BRAF: variants seen among roughly 807,000 people sequenced by gnomAD.
The protein encoded by BRAF is B-Raf proto-oncogene, serine/threonine kinase, also known as serine/threonine-protein kinase B-raf.
In BRAF, 16 loss-of-function variants were observed where a neutral mutation model predicts 104.6. The observed-to-expected ratio is 0.15, with a 90% CI of 0.10 to 0.23. The LOEUF is 0.23. Ranked by LOEUF, BRAF falls within the 10% of genes least tolerant of loss-of-function variation. The pLI, the probability that BRAF is intolerant of heterozygous loss-of-function variation, is 1.00. For synonymous variants in BRAF, 310 were observed against 341.6 expected (o/e 0.91, Z 1.02); for missense variants, 541 against 937.3 (o/e 0.58, Z 5.52).
chr7:140,808,735 T>G, intron 4 of BRAF, 157 bp downstream of exon 4: 1 of 667,718 alleles, frequency 1.5e-6, no homozygotes, highest in South Asian at 1.6e-5. Context: ...TCATATGGCC[T>G]ACAGTATTTC....
Position 140,722,886 on chromosome 7 carries a change from C to T in BRAF, c.*3608G>A, listed in dbSNP as rs530421564. On this transcript the variant is annotated 3_prime_UTR_variant, in exon 20 of 20. Coordinates refer to ENST00000644969, the MANE Select transcript of BRAF (RefSeq NM_001374258.1). ...CCGGTTCTGGCACCACTTTCAACAA[C>T]ATTCAGATATTCCGAGCAACACATT... is the stretch of plus-strand genomic sequence containing the variant. 2 of 1,055,380 alleles carry T rather than the reference C, an allele frequency of 1.9e-6. No individual in the cohort carries two copies. The highest frequency in any genetic ancestry group is 1.6e-5 in the African/African-American group (1 of 60,660). 65.4% of individuals were successfully genotyped at this position (1,055,380 alleles called of 1,614,324 possible). A position where few individuals can be genotyped will look rare whatever the true frequency, so the allele number is the denominator to read the frequency against.
intron 1 of BRAF, among the ~76,000 whole-genome samples, chr7:140,899,588 T>C (rs557541336): frequency 1.3e-5 from 2 of 152,224 alleles, no homozygotes; most frequent in Admixed American, 1.3e-4. Flanking sequence ...ATTTCCCTAA[T>C]TGTTAACTAG....
At chr7:140,901,991 G>A (rs1042605923) in intron 1 of BRAF, among the ~76,000 whole-genome samples, 27 of 152,218 alleles carry the variant, frequency 1.8e-4, no homozygotes, top group African/African-American at 6.3e-4. Flanking sequence ...TTAAAGGAAT[G>A]AGTAAATTTA....
intron 14 of BRAF, among the ~76,000 whole-genome samples, chr7:140,759,546 C>T (rs1348494306): frequency 1.3e-5 from 2 of 152,206 alleles, no homozygotes; most frequent in East Asian, 3.9e-4. Context: ...ACCACCACGT[C>T]CAGCTAATTT....
chr7:140,761,597 C>T (rs60498630), intron 14 of BRAF, among the ~76,000 whole-genome samples: 45,275 of 151,868 alleles, frequency 0.3, 10,780 homozygotes, highest in African/African-American at 0.66. Context: ...GACTGGCAAA[C>T]TGGATAAAGA....
chr7:140,918,422 G>A (rs1365525194), intron 1 of BRAF, among the ~76,000 whole-genome samples: 1 of 152,142 alleles, frequency 6.6e-6, no homozygotes, highest in Non-Finnish European at 1.5e-5. Context: ...ACAGGAGGTG[G>A]AGCTTTGGCG....
intron 1 of BRAF, among the ~76,000 whole-genome samples, chr7:140,877,797 C>T (rs1388929404): frequency 1.3e-5 from 2 of 151,986 alleles, no homozygotes; most frequent in South Asian, 2.1e-4. Context: ...AAAACTCTCA[C>T]AGGATAAAAG....
chr7:140,914,809 G>A (rs1255399293), intron 1 of BRAF, among the ~76,000 whole-genome samples: 3 of 151,858 alleles, frequency 2.0e-5, no homozygotes, highest in Non-Finnish European at 4.4e-5. Flanking sequence ...GGAGGCTGAG[G>A]CGGACGGATC....
chr7:140,898,643 A>G (rs1308671111), intron 1 of BRAF, among the ~76,000 whole-genome samples: 1 of 152,220 alleles, frequency 6.6e-6, no homozygotes, highest in Non-Finnish European at 1.5e-5. Flanking sequence ...AACCCAAGGT[A>G]AGAAATAGCA....
At chr7:140,903,002 G>A (rs948190494) in intron 1 of BRAF, among the ~76,000 whole-genome samples, 16 of 143,400 alleles carry the variant, frequency 1.1e-4, no homozygotes, top group Admixed American at 6.6e-4. Flanking sequence ...TCGGCTCACC[G>A]CAACCTCTGC....
intron 1 of BRAF, among the ~76,000 whole-genome samples, chr7:140,869,940 G>A (rs1265626321): frequency 1.3e-5 from 2 of 151,940 alleles, no homozygotes; most frequent in African/African-American, 4.8e-5. Context: ...CTGAAACTTG[G>A]TATATTTGAT....
intron 2 of BRAF, among the ~76,000 whole-genome samples, chr7:140,836,752 G>C (rs145437984): frequency 3.9e-5 from 6 of 152,176 alleles, no homozygotes; most frequent in African/African-American, 1.2e-4. Flanking sequence ...ACTGATACAT[G>C]TGCTTGGCAC....
intron 10 of BRAF, among the ~76,000 whole-genome samples, chr7:140,784,650 CTT>C (rs561883564): frequency 2.7e-5 from 4 of 146,200 alleles, no homozygotes; most frequent in Non-Finnish European, 1.5e-5. Context: ...CCAATTTTTA[CTT>C]TTTTTTTTTT....
intron 1 of BRAF, among the ~76,000 whole-genome samples, chr7:140,865,532 GAA>G (rs757970192): frequency 2.6e-5 from 4 of 152,142 alleles, no homozygotes; most frequent in Non-Finnish European, 4.4e-5. Flanking sequence ...CCCATATGAT[GAA>G]AAGAGAGAAA....
At chr7:140,898,067 A>C (rs1031871878) in intron 1 of BRAF, among the ~76,000 whole-genome samples, 2 of 152,138 alleles carry the variant, frequency 1.3e-5, no homozygotes, top group African/African-American at 4.8e-5. Context: ...AGTTGGGCAC[A>C]GTGGTGTGCA....
chr7:140,922,416 C>T (rs899357280), intron 1 of BRAF, among the ~76,000 whole-genome samples: 11 of 152,124 alleles, frequency 7.2e-5, no homozygotes, highest in African/African-American at 2.7e-4. Flanking sequence ...CTGGCCCTTT[C>T]AAATAAAATA....
At chr7:140,759,479 C>T (rs1317754082) in intron 14 of BRAF, among the ~76,000 whole-genome samples, 2 of 152,268 alleles carry the variant, frequency 1.3e-5, no homozygotes, top group South Asian at 2.1e-4. Context: ...CTCTGCCTCC[C>T]GGGTTCAAGT....
chr7:140,898,237 A>G (rs148077705), intron 1 of BRAF, among the ~76,000 whole-genome samples: 51 of 152,286 alleles, frequency 3.3e-4, no homozygotes, highest in African/African-American at 1.2e-3. Context: ...AAAAAGGACT[A>G]GAAGGAAATA....
At chr7:140,735,567 T>C (rs973313403) in intron 18 of BRAF, among the ~76,000 whole-genome samples, 1 of 152,192 alleles carries the variant, frequency 6.6e-6, no homozygotes, top group Admixed American at 6.5e-5. Context: ...AATTTTTTTT[T>C]TTTTTTGAAA....
Sources: gnomAD v4.1 joint callset for allele counts (sites outside exome capture counted in the v4.1 genomes callset) on GRCh38, gnomAD v4.1.1 for gene constraint, MANE v1.5 for transcripts, NCBI Gene and HGNC (gene_info 2026-07-23, HGNC 2026-07-21) for gene names.